Variants in TRAPPC2 observed in about 807,000 individuals in gnomAD.
TRAPPC2 encodes the protein trafficking protein particle complex subunit 2.
A neutral mutation model predicts 10.0 loss-of-function variants in TRAPPC2; 4 were observed. That is an observed-to-expected ratio of 0.40 (90% CI 0.20 to 0.92). The LOEUF (loss-of-function observed/expected upper bound fraction) is 0.92, where lower values mean the gene tolerates loss of function less well. TRAPPC2 is among the 40% of genes least tolerant of loss of function. TRAPPC2 has a pLI of 0.35. For synonymous variants in TRAPPC2, 36 were observed against 37.3 expected (o/e 0.97, Z 0.12); for missense variants, 52 against 108.7 (o/e 0.48, Z 2.32).
At chrX:13,732,334 A>G (rs1313876116) in intron 2 of TRAPPC2, among the ~76,000 whole-genome samples, 1 of 112,009 alleles carries the variant, frequency 8.9e-6, no homozygotes, top group Non-Finnish European at 1.9e-5. Context: ...GGAGTAGGGG[A>G]GACCTTTTTG....
rs958224840 is a variant in TRAPPC2, at chrX:13,713,618, C to G, written c.*789G>C. ...CACGAGGTCAGGAGTTCAAGACCAG[C>G]CTGACCAATATGGTGAAACCCTGTC... On this transcript the variant is annotated 3_prime_UTR_variant, in exon 6 of 6. Coordinates refer to ENST00000380579, the MANE Select transcript of TRAPPC2 (RefSeq NM_001011658.4). 4 of 107,765 alleles carry G rather than the reference C, an allele frequency of 3.7e-5. No homozygotes were observed. The highest frequency in any genetic ancestry group is 8.1e-4 in the South Asian group (2 of 2,472). The allele number at this position is 107,765 out of a possible 1,213,427, so 8.9% of individuals were successfully genotyped here. A position where few individuals can be genotyped will look rare whatever the true frequency, so the allele number is the denominator to read the frequency against.
rs1242339604 is a variant in TRAPPC2, at chrX:13,719,936, C to T, written c.28G>A (p.Val10Ile). The change falls in exon 3 of 6, where the codon GTT (valine) becomes ATT (isoleucine). Residue 10 changes from valine to isoleucine, a missense_variant. Physicochemically the swap from Val to Ile is conservative, Grantham distance 29. Transcript: ENST00000380579. ...AAAACTGGATTATCATGGTGGCCAACAATTACAAAGTAGAAGCTCCCAGAC... is the reference window on the plus strand; with the variant it reads ...AAAACTGGATTATCATGGTGGCCAATAATTACAAAGTAGAAGCTCCCAGAC... MSGSFYFVI[V>I]GHHDNPVFEM... The T allele has an allele frequency of 2.5e-6, 3 of 1,200,529 alleles. No homozygotes were observed. The highest frequency in any genetic ancestry group is 2.2e-6 in the Non-Finnish European group (2 of 890,059).
intron 2 of TRAPPC2, among the ~76,000 whole-genome samples, chrX:13,730,580 G>A (rs1221953948): frequency 9.0e-6 from 1 of 111,495 alleles, no homozygotes; most frequent in Non-Finnish European, 1.9e-5. Context: ...TATACCCAAA[G>A]GATTACAAAT....
At chrX:13,719,125 C>G (rs1428023106) in intron 3 of TRAPPC2, among the ~76,000 whole-genome samples, 1 of 110,847 alleles carries the variant, frequency 9.0e-6, no homozygotes. Flanking sequence ...TCACTGCACT[C>G]CAGTCTGGGC....
At chrX:13,732,324 G>A (rs925921217) in intron 2 of TRAPPC2, among the ~76,000 whole-genome samples, 2 of 112,003 alleles carry the variant, frequency 1.8e-5, no homozygotes, top group African/African-American at 3.2e-5. Context: ...ATGTTTAAAC[G>A]GAGTAGGGGA....
At position 13,714,203 on chromosome X, in the gene TRAPPC2, T is replaced by TC. The variant is rs2046255745; in HGVS notation, c.*203dup. ...ATGAACTCTTTATAAATAACACTGT[T>TC]CACAAGGAAATACCAATTGATCTAT... On this transcript the variant is annotated 3_prime_UTR_variant, in exon 6 of 6. Coordinates refer to ENST00000380579, the MANE Select transcript of TRAPPC2 (RefSeq NM_001011658.4). 1 of 283,515 alleles carries TC rather than the reference T, an allele frequency of 3.5e-6. No homozygotes were observed. The highest frequency in any genetic ancestry group is 6.3e-6 in the Non-Finnish European group (1 of 159,264). The allele number at this position is 283,515 out of a possible 1,213,427, so 23.4% of individuals were successfully genotyped here.
intron 3 of TRAPPC2, among the ~76,000 whole-genome samples, chrX:13,718,049 A>G (rs2046334420): frequency 1.8e-5 from 2 of 112,505 alleles, no homozygotes; most frequent in Non-Finnish European, 3.8e-5. Flanking sequence ...AGAGGCCTGG[A>G]CAGACCCTTG....
rs1267415638 is a variant in TRAPPC2 at position 13,716,656 on chromosome X, T to G, written c.116A>C (p.Gln39Pro). The G allele has an allele frequency of 8.3e-7, 1 of 1,210,395 alleles. No homozygotes were observed. Among genetic ancestry groups the G allele is most frequent in the African/African-American group, 1.7e-5 (1 of 57,418 alleles). ...GTCGAGAGCAGCATGAGCTATGAAC[T>G]GGTTCAGATGACGATGGTCGTCCTA... is the stretch of plus-strand genomic sequence containing the variant. The part of the protein sequence containing the change: ...ESKDDHRHLN[Q>P]FIAHAALDLV... The change falls in exon 4 of 6, where the codon CAG becomes CCG. Residue 39 changes from glutamine (Q) to proline (P), a missense_variant. Coordinates refer to ENST00000380579, the MANE Select transcript of TRAPPC2 (RefSeq NM_001011658.4).
In TRAPPC2 at chrX:13,713,021, T is replaced by C. The variant is rs566484686; in HGVS notation, c.*1386A>G. On this transcript the variant is annotated 3_prime_UTR_variant, in exon 6 of 6. Transcript: ENST00000380579. ...ACTTTGGGAGGCTGAGGCAGGAGAA[T>C]TGCTTGAAGTCAGGAGGCAGAGGTT... The C allele has an allele frequency of 8.3e-5, 9 of 107,869 alleles. No homozygotes were observed. The highest frequency in any genetic ancestry group is 3.1e-4 in the African/African-American group (9 of 29,433). The allele number at this position is 107,869 out of a possible 1,213,427, so 8.9% of individuals were successfully genotyped here. A position where few individuals can be genotyped will look rare whatever the true frequency, so the allele number is the denominator to read the frequency against.
In TRAPPC2 at chrX:13,734,103, C is replaced by T; in HGVS notation, c.-79G>A. ...AAACGTTTAGCTCTGTGGATCTCAA[C>T]CCGGAGCGATCTTGCTTCCAAGAGG... is the stretch of plus-strand genomic sequence containing the variant. On this transcript the variant is annotated 5_prime_UTR_variant, in exon 2 of 6. Coordinates refer to ENST00000380579, the MANE Select transcript of TRAPPC2 (RefSeq NM_001011658.4). 1 of 513,468 alleles carries T rather than the reference C, an allele frequency of 1.9e-6. No homozygotes were observed. Among genetic ancestry groups the T allele is most frequent in the Non-Finnish European group, 3.5e-6 (1 of 286,247 alleles). The allele number at this position is 513,468 out of a possible 1,213,427, so 42.3% of individuals were successfully genotyped here.
At chrX:13,724,289 TAAG>T (rs1333877773) in intron 2 of TRAPPC2, among the ~76,000 whole-genome samples, 4 of 107,857 alleles carry the variant, frequency 3.7e-5, no homozygotes, top group African/African-American at 3.4e-5. Flanking sequence ...ATGGAAGATG[TAAG>T]AAGTAGGACA....
At chrX:13,718,963 C>G (rs1012024379) in intron 3 of TRAPPC2, among the ~76,000 whole-genome samples, 4 of 110,772 alleles carry the variant, frequency 3.6e-5, no homozygotes, top group Middle Eastern at 4.6e-3. Flanking sequence ...TCGAGACCAG[C>G]CTGGGCAACA....
At chrX:13,722,208 C>CAGAAAAAAAAAAAAAAAAAAAAA (rs1555898001) in intron 2 of TRAPPC2, 2 of 36,118 alleles carry the variant, frequency 5.5e-5, no homozygotes, top group Non-Finnish European at 1.0e-4. Context: ...TAAGCAGCAG[C>CAGAAAAAAAAAAAAAAAAAAAAA]AAAAAAAAAA....
rs1386493009 is a variant in TRAPPC2 at position 13,713,472 on chromosome X, C to T, written c.*935G>A. 1.1e-5 allele frequency: 1 copy of T among 88,008 alleles called. No homozygotes were observed. Among genetic ancestry groups the T allele is most frequent in the African/African-American group, 4.4e-5 (1 of 22,917 alleles). 7.3% of individuals were successfully genotyped at this position (88,008 alleles called of 1,213,427 possible). On this transcript the variant is annotated 3_prime_UTR_variant, in exon 6 of 6. Transcript: ENST00000380579. ...TCTCAAAAAAACAAAAAACAAAAAACAAAAACAAAAACCCACAAAAAACCA... is the reference window on the plus strand; with the variant it reads ...TCTCAAAAAAACAAAAAACAAAAAATAAAAACAAAAACCCACAAAAAACCA...
chrX:13,731,389 C>G (rs1385939141), intron 2 of TRAPPC2, among the ~76,000 whole-genome samples: 1 of 111,919 alleles, frequency 8.9e-6, no homozygotes. Flanking sequence ...AATGTGAATC[C>G]CTAGATAAAA....
rs1489233270 is a variant in TRAPPC2, at chrX:13,712,367, C to T, written c.*2040G>A. On this transcript the variant is annotated 3_prime_UTR_variant, in exon 6 of 6. Transcript: ENST00000380579. ...TTACTCAGAATGGAACAAAATTGTT[C>T]AAGTGCTCCCAATTAGCACAGGCTG... 1 of 112,274 alleles carries T rather than the reference C, an allele frequency of 8.9e-6. No homozygotes were observed. The highest frequency in any genetic ancestry group is 1.9e-5 in the Non-Finnish European group (1 of 53,293). The allele number at this position is 112,274 out of a possible 1,213,427, so 9.3% of individuals were successfully genotyped here.
chrX:13,717,219 C>A (rs1331670138), intron 3 of TRAPPC2, among the ~76,000 whole-genome samples: 1 of 110,408 alleles, frequency 9.1e-6, no homozygotes, highest in Non-Finnish European at 1.9e-5. Context: ...CTTTCCAGTG[C>A]ATGGAGCTTA....
chrX:13,718,612 A>C (rs1018286717), intron 3 of TRAPPC2, among the ~76,000 whole-genome samples: 1 of 112,524 alleles, frequency 8.9e-6, no homozygotes, highest in African/African-American at 3.2e-5. Context: ...TAGTGTTCTC[A>C]TAATATGAGA....
intron 2 of TRAPPC2, among the ~76,000 whole-genome samples, chrX:13,732,055 G>A (rs1490368130): frequency 8.9e-6 from 1 of 112,014 alleles, no homozygotes; most frequent in Non-Finnish European, 1.9e-5. Flanking sequence ...CAACCCAAAA[G>A]TTCTGCAAGC....
Sources: allele counts gnomAD v4.1 joint callset (sites outside exome capture counted in the v4.1 genomes callset), GRCh38; gene constraint gnomAD v4.1.1; transcripts MANE v1.5; gene names NCBI Gene and HGNC (gene_info 2026-07-23, HGNC 2026-07-21).